The following SLC30A6 variants were observed in gnomAD, a reference collection of about 807,000 sequenced individuals.
SLC30A6 encodes solute carrier family 30 member 6.
Under a neutral mutation model 63.0 loss-of-function variants are expected in SLC30A6, and 55 were observed. The observed-to-expected ratio is 0.87, with a 90% CI of 0.70 to 1.09. The LOEUF (loss-of-function observed/expected upper bound fraction) is 1.09, where lower values mean the gene tolerates loss of function less well. SLC30A6 is among the 50% of genes least tolerant of loss of function. SLC30A6 has a pLI of 0.00. For missense variants in SLC30A6, 587 were observed against 549.2 expected, an observed-to-expected ratio of 1.07 and a Z score of -0.69; for synonymous variants, 224 against 186.1, an observed-to-expected ratio of 1.20 and a Z score of -1.66.
At position 32,175,742 on chromosome 2, in the gene SLC30A6, G is replaced by A. The variant is rs537897738; in HGVS notation, c.218+381G>A. Among the ~76,000 whole-genome samples, 7 of 152,258 alleles carry A rather than the reference G, an allele frequency of 4.6e-5. No individual in the cohort carries two copies. In the East Asian group the frequency reaches 1.4e-3, roughly 29 times the overall value. ...TGCAATTCCAGCACTTTGGGAGGCC[G>A]AGGCGGGTGGATCACTTGAGGTCAG... On this transcript the variant is annotated intron_variant, in intron 4 of 13. Coordinates refer to ENST00000282587, the MANE Select transcript of SLC30A6 (RefSeq NM_017964.5).
At chr2:32,196,726 T>A (rs544453860) in intron 8 of SLC30A6, among the ~76,000 whole-genome samples, 1 of 152,280 alleles carries the variant, frequency 6.6e-6, no homozygotes, top group African/African-American at 2.4e-5. Context: ...CCTGTACCTA[T>A]GGCCCGTTCT....
At chr2:32,176,077 C>A (rs977300625) in intron 4 of SLC30A6, among the ~76,000 whole-genome samples, 14 of 152,036 alleles carry the variant, frequency 9.2e-5, no homozygotes, top group African/African-American at 2.7e-4. Context: ...GTAATTCATA[C>A]CTCAGAGGGC....
At chr2:32,176,466 G>A (rs1364955167) in intron 4 of SLC30A6, among the ~76,000 whole-genome samples, 1 of 151,872 alleles carries the variant, frequency 6.6e-6, no homozygotes, top group Non-Finnish European at 1.5e-5. Context: ...AGACCAGCCT[G>A]GCCAATATGG....
intron 8 of SLC30A6, among the ~76,000 whole-genome samples, chr2:32,195,346 G>A (rs1047315352): frequency 1.8e-4 from 28 of 152,136 alleles, no homozygotes; most frequent in Admixed American, 6.5e-5. Context: ...GATTACAGGT[G>A]TGAGCCACTG....
At chr2:32,201,452 T>G (rs915549147) in intron 10 of SLC30A6, 1 of 384,874 alleles carries the variant, frequency 2.6e-6, no homozygotes, top group African/African-American at 2.1e-5. Flanking sequence ...ACTGATAGAT[T>G]CCATTAGTCT....
intron 8 of SLC30A6, among the ~76,000 whole-genome samples, chr2:32,194,318 G>T (rs910178165): frequency 1.3e-5 from 2 of 152,158 alleles, no homozygotes; most frequent in East Asian, 3.8e-4. Flanking sequence ...AGAAGTATCA[G>T]TATACTTAGA....
intron 13 of SLC30A6, among the ~76,000 whole-genome samples, chr2:32,218,618 A>G (rs1384178496): frequency 1.3e-5 from 2 of 151,916 alleles, no homozygotes; most frequent in African/African-American, 2.4e-5. Flanking sequence ...GTGCAGTGGC[A>G]TGATCTCTGC....
rs72863941 is a variant in SLC30A6 at position 32,179,123 on chromosome 2, G to A, written c.218+3762G>A. Among the ~76,000 whole-genome samples the A allele has an allele frequency of 9.5e-3, 1,446 of 152,308 alleles. 32 individuals are homozygous for A. Among genetic ancestry groups the A allele is most frequent in the African/African-American group, 0.032 (1,347 of 41,564 alleles). On this transcript the variant is annotated intron_variant, in intron 4 of 13. Coordinates refer to ENST00000282587, the MANE Select transcript of SLC30A6 (RefSeq NM_017964.5). Reference sequence around the variant, plus strand: ...GATCCTCCTGCCTTTCCCTCCCAAAGCGTTGGGATTACAAGCATGAACTAC... The same window carrying A: ...GATCCTCCTGCCTTTCCCTCCCAAAACGTTGGGATTACAAGCATGAACTAC...
At chr2:32,173,443 A>G (rs11124278) in intron 2 of SLC30A6, among the ~76,000 whole-genome samples, 75,716 of 150,480 alleles carry the variant, frequency 0.5, 19,205 homozygotes, top group East Asian at 0.63. Flanking sequence ...GCACAATCTC[A>G]TCTTACTGCA....
chr2:32,169,978 C>T (rs200465839), intron 1 of SLC30A6, among the ~76,000 whole-genome samples: 2 of 152,118 alleles, frequency 1.3e-5, no homozygotes, highest in East Asian at 3.8e-4. Context: ...TGTGGAAGCT[C>T]ATTGTGTATA....
chr2:32,217,578 A>G (rs1217380821), intron 13 of SLC30A6, among the ~76,000 whole-genome samples: 1 of 151,898 alleles, frequency 6.6e-6, no homozygotes, highest in East Asian at 1.9e-4. Context: ...ATTTTAAAAT[A>G]TTTTTTTCTA....
chr2:32,213,828 G>T (rs1424186684), intron 13 of SLC30A6, among the ~76,000 whole-genome samples: 5 of 129,194 alleles, frequency 3.9e-5, no homozygotes, highest in South Asian at 2.3e-4. Flanking sequence ...TTTTGAGACG[G>T]AGTCTCACAC....
chr2:32,166,841 G>T (rs1419402677), intron 1 of SLC30A6, among the ~76,000 whole-genome samples: 1 of 152,182 alleles, frequency 6.6e-6, no homozygotes, highest in Non-Finnish European at 1.5e-5. Flanking sequence ...CACAGAAAAT[G>T]GGTAAAAGTT....
chr2:32,174,823 A>T (rs1402204682), intron 3 of SLC30A6, among the ~76,000 whole-genome samples: 3 of 152,166 alleles, frequency 2.0e-5, no homozygotes, highest in Non-Finnish European at 4.4e-5. Context: ...AAGTGCTGGG[A>T]TTACAGGCGT....
intron 10 of SLC30A6, chr2:32,202,482 A>G (rs1573374336): frequency 3.7e-6 from 1 of 267,682 alleles, no homozygotes; most frequent in Non-Finnish European, 7.2e-6. Flanking sequence ...GGCACCCGCC[A>G]CCACCCCCGA....
At position 32,222,205 on chromosome 2, in the gene SLC30A6, A is replaced by G. The variant is rs1686179707; in HGVS notation, c.*1492A>G. ...TTAAGGACTTTCTAACATGGCTAGTATTACTTCCAAAAAGTATAACAAGCA... is the reference window on the plus strand; with the variant it reads ...TTAAGGACTTTCTAACATGGCTAGTGTTACTTCCAAAAAGTATAACAAGCA... On this transcript the variant is annotated 3_prime_UTR_variant, in exon 14 of 14. Transcript: ENST00000282587. The G allele has an allele frequency of 6.6e-6, 1 of 152,204 alleles. No homozygotes were observed. The highest frequency in any genetic ancestry group is 2.1e-4 in the South Asian group (1 of 4,834). 9.4% of individuals were successfully genotyped at this position (152,204 alleles called of 1,614,324 possible).
rs371357924 is a variant in SLC30A6, at chr2:32,207,054, A to G, written c.816+121A>G. The G allele has an allele frequency of 3.2e-4, 242 of 745,482 alleles. No homozygotes were observed. The African/African-American group carries it at 3.9e-3, about 12-fold the overall frequency. The allele number at this position is 745,482 out of a possible 1,614,324, so 46.2% of individuals were successfully genotyped here. On this transcript the variant is annotated intron_variant, in intron 12 of 13. Transcript: ENST00000282587. ...TATTTGAGGGAAGTTCATGTTCTTC[A>G]CAATAACATACTAGGAGCCATAATA...
At chr2:32,209,419 TC>T in intron 12 of SLC30A6, 73 bp from the exon 13 acceptor site, 1 of 1,191,624 alleles carries the variant, frequency 8.4e-7, no homozygotes. Flanking sequence ...TTAAACTAAG[TC>T]CATAATGTGA....
At chr2:32,187,512 C>T (rs1682939914) in intron 5 of SLC30A6, among the ~76,000 whole-genome samples, 1 of 152,152 alleles carries the variant, frequency 6.6e-6, no homozygotes, top group Admixed American at 6.6e-5. Flanking sequence ...AAGAAAGGAG[C>T]AGCTAAGCAA....
Sources: allele counts gnomAD v4.1 joint callset (sites outside exome capture counted in the v4.1 genomes callset), GRCh38; gene constraint gnomAD v4.1.1; transcripts MANE v1.5; gene names NCBI Gene and HGNC (gene_info 2026-07-23, HGNC 2026-07-21).